EYS: variants seen among roughly 807,000 people sequenced by gnomAD.
EYS encodes protein eyes shut homolog.
In EYS, 250 loss-of-function variants were observed where a neutral mutation model predicts 282.1. The ratio of observed to expected loss-of-function variants is 0.89; its 90% CI spans 0.80 to 0.98. The LOEUF (loss-of-function observed/expected upper bound fraction) is 0.98, where lower values mean the gene tolerates loss of function less well. Among genes scored for constraint, EYS ranks in the 50% least tolerant of loss-of-function variants. The pLI is 0.00. For missense variants in EYS, 4,016 were observed against 3,709.0 expected (o/e 1.08, Z -2.15); for synonymous variants, 1,355 against 1,282.9 (o/e 1.06, Z -1.20).
intron 39 of EYS, 183 bp from the exon 40 acceptor site, chr6:63,778,363 A>G: frequency 1.7e-6 from 1 of 590,074 alleles, no homozygotes. Context: ...CATTCATGAT[A>G]TCATTTCACA....
chr6:64,718,197 C>T (rs1426124026), intron 22 of EYS, among the ~76,000 whole-genome samples: 1 of 152,108 alleles, frequency 6.6e-6, no homozygotes, highest in African/African-American at 2.4e-5. Flanking sequence ...TGCATAAAAC[C>T]ACTTAGCTGA....
At chr6:64,311,992 T>TTTTTTTTTTTTC (rs1554142339) in intron 29 of EYS, among the ~76,000 whole-genome samples, 1 of 150,678 alleles carries the variant, frequency 6.6e-6, no homozygotes, top group African/African-American at 2.5e-5. Context: ...TTTTTTTTTT[T>TTTTTTTTTTTTC]CATACCCCAG....
At chr6:64,213,208 C>T (rs1379234300) in intron 31 of EYS, among the ~76,000 whole-genome samples, 1 of 152,014 alleles carries the variant, frequency 6.6e-6, no homozygotes, top group African/African-American at 2.4e-5. Flanking sequence ...TGCACATGTA[C>T]CCCTGAACTT....
intron 26 of EYS, among the ~76,000 whole-genome samples, chr6:64,441,925 T>A (rs974712133): frequency 6.6e-6 from 1 of 152,160 alleles, no homozygotes; most frequent in African/African-American, 2.4e-5. Context: ...AACAGATTAA[T>A]GCAGTAAATT....
chr6:63,812,237 A>G (rs1449952657), intron 36 of EYS, among the ~76,000 whole-genome samples: 3 of 152,160 alleles, frequency 2.0e-5, no homozygotes, highest in Admixed American at 2.0e-4. Context: ...GTGTTTCTCA[A>G]GCAAACCTAA....
chr6:65,279,051 T>C (rs1768144301), intron 12 of EYS, among the ~76,000 whole-genome samples: 1 of 151,988 alleles, frequency 6.6e-6, no homozygotes, highest in African/African-American at 2.4e-5. Flanking sequence ...ATTAGTTGGA[T>C]GTGGTGGCAT....
intron 22 of EYS, among the ~76,000 whole-genome samples, chr6:64,807,391 A>G (rs993167477): frequency 7.9e-5 from 12 of 152,140 alleles, no homozygotes; most frequent in African/African-American, 2.7e-4. Flanking sequence ...CTTGTCACCT[A>G]TATAATAACT....
chr6:65,158,510 T>C (rs1023607606), intron 12 of EYS, among the ~76,000 whole-genome samples: 4 of 150,926 alleles, frequency 2.7e-5, no homozygotes, highest in Admixed American at 6.6e-5. Flanking sequence ...GGCTCACTAG[T>C]GTTTTAGGCC....
chr6:64,914,717 G>A (rs1158235629), intron 15 of EYS, among the ~76,000 whole-genome samples: 1 of 151,988 alleles, frequency 6.6e-6, no homozygotes, highest in Non-Finnish European at 1.5e-5. Context: ...TGGCAAAATG[G>A]TATTAGACAT....
intron 1 of EYS, among the ~76,000 whole-genome samples, chr6:65,666,059 A>C (rs1415164110): frequency 6.6e-6 from 1 of 151,688 alleles, no homozygotes; most frequent in Non-Finnish European, 1.5e-5. Flanking sequence ...ATGTAAGTTA[A>C]CAATTCAAAT....
intron 32 of EYS, among the ~76,000 whole-genome samples, chr6:64,070,694 G>A (rs1562184909): frequency 6.6e-6 from 1 of 151,962 alleles, no homozygotes; most frequent in Non-Finnish European, 1.5e-5. Context: ...TACTTCCAAT[G>A]TTACAGAATA....
At chr6:64,315,941 A>C (rs1008651410) in intron 29 of EYS, among the ~76,000 whole-genome samples, 5 of 152,234 alleles carry the variant, frequency 3.3e-5, no homozygotes. Flanking sequence ...GTAATCCATC[A>C]CATAAACAGA....
intron 13 of EYS, among the ~76,000 whole-genome samples, chr6:65,030,637 G>T (rs1226669252): frequency 6.6e-6 from 1 of 152,162 alleles, no homozygotes; most frequent in Non-Finnish European, 1.5e-5. Context: ...GTTGCCAGTG[G>T]ACAGGGCATA....
intron 41 of EYS, among the ~76,000 whole-genome samples, chr6:63,745,589 T>A (rs1769191497): frequency 6.6e-6 from 1 of 152,126 alleles, no homozygotes; most frequent in African/African-American, 2.4e-5. Context: ...CCTATTCACA[T>A]AAAGAGTAAT....
chr6:65,069,912 C>T (rs1166029665), intron 12 of EYS, among the ~76,000 whole-genome samples: 1 of 151,782 alleles, frequency 6.6e-6, no homozygotes, highest in Non-Finnish European at 1.5e-5. Flanking sequence ...CCTTTGATTT[C>T]TAATCCTGTT....
chr6:64,036,064 G>T (rs1770106019), intron 33 of EYS, among the ~76,000 whole-genome samples: 1 of 152,190 alleles, frequency 6.6e-6, no homozygotes, highest in Non-Finnish European at 1.5e-5. Flanking sequence ...AATAACCAAA[G>T]AAGTAATCTT....
chr6:64,151,324 T>TATATATATATATATATAA (rs1774708675), intron 31 of EYS, among the ~76,000 whole-genome samples: 3 of 66,002 alleles, frequency 4.5e-5, no homozygotes, highest in African/African-American at 1.7e-4. Flanking sequence ...TATTTATATA[T>TATATATATATATATATAA]ATATATATAT....
chr6:63,725,359 T>A (rs138657658), intron 42 of EYS, among the ~76,000 whole-genome samples: 394 of 152,256 alleles, frequency 2.6e-3, no homozygotes, highest in Non-Finnish European at 4.0e-3. Flanking sequence ...ATTATAAAAC[T>A]GTAGTACAAT....
chr6:65,395,579 A>G (rs181670607), intron 7 of EYS, among the ~76,000 whole-genome samples: 104 of 152,298 alleles, frequency 6.8e-4, no homozygotes, highest in Middle Eastern at 3.4e-3. Flanking sequence ...TCAAGTATGC[A>G]ATGCCTCATT....
Sources: allele counts gnomAD v4.1 joint callset (sites outside exome capture counted in the v4.1 genomes callset), GRCh38; gene constraint gnomAD v4.1.1; transcripts MANE v1.5; gene names NCBI Gene and HGNC (gene_info 2026-07-23, HGNC 2026-07-21).